The following ANKS1B variants were observed in gnomAD, a reference collection of about 807,000 sequenced individuals.
The protein encoded by ANKS1B is ankyrin repeat and sterile alpha motif domain-containing protein 1B.
Under a neutral mutation model 148.3 loss-of-function variants are expected in ANKS1B, and 36 were observed. The observed-to-expected ratio is 0.24, with a 90% CI of 0.19 to 0.32. The LOEUF is 0.32. Ranked by LOEUF, ANKS1B falls within the 10% of genes least tolerant of loss-of-function variation. The pLI, the probability that ANKS1B is intolerant of heterozygous loss-of-function variation, is 1.00. For synonymous variants in ANKS1B, 542 were observed against 560.8 expected, an observed-to-expected ratio of 0.97 and a Z score of 0.47; for missense variants, 1,157 against 1,542.6, an observed-to-expected ratio of 0.75 and a Z score of 4.19.
chr12:98,818,884 C>A (rs2099162961), intron 19 of ANKS1B, among the ~76,000 whole-genome samples: 2 of 152,092 alleles, frequency 1.3e-5, no homozygotes, highest in Admixed American at 1.3e-4. Flanking sequence ...TTATTGAGAC[C>A]CCACCATTTC....
At chr12:99,202,102 T>C (rs1480631729) in intron 14 of ANKS1B, among the ~76,000 whole-genome samples, 2 of 152,130 alleles carry the variant, frequency 1.3e-5, no homozygotes, top group East Asian at 1.9e-4. Context: ...CAAATAAAAA[T>C]AGGGTCAGCA....
intron 12 of ANKS1B, among the ~76,000 whole-genome samples, chr12:99,318,476 A>C (rs2084586669): frequency 6.6e-6 from 1 of 152,046 alleles, no homozygotes; most frequent in South Asian, 2.1e-4. Flanking sequence ...GTGTTCTTTG[A>C]GGGTAGTTTG....
intron 25 of ANKS1B, among the ~76,000 whole-genome samples, chr12:98,756,218 T>A (rs949501195): frequency 6.6e-6 from 1 of 152,096 alleles, no homozygotes; most frequent in African/African-American, 2.4e-5. Context: ...AATTGAATCA[T>A]GGGGGTGGGT....
intron 17 of ANKS1B, among the ~76,000 whole-genome samples, chr12:98,962,580 A>C (rs999113019): frequency 6.6e-6 from 1 of 152,096 alleles, no homozygotes; most frequent in Non-Finnish European, 1.5e-5. Context: ...TGTAATCTGC[A>C]ATACAGACCA....
At chr12:99,962,206 C>T (rs1240786722) in intron 1 of ANKS1B, among the ~76,000 whole-genome samples, 2 of 151,756 alleles carry the variant, frequency 1.3e-5, no homozygotes, top group East Asian at 3.9e-4. Flanking sequence ...CCCTAACCCT[C>T]CCACCCCCAT....
At chr12:99,287,235 C>T (rs913514741) in intron 12 of ANKS1B, among the ~76,000 whole-genome samples, 4 of 152,082 alleles carry the variant, frequency 2.6e-5, no homozygotes, top group Admixed American at 6.6e-5. Flanking sequence ...TGGAGGAAAG[C>T]GAGAGAAGAG....
At chr12:99,749,672 C>T (rs2060925190) in intron 8 of ANKS1B, among the ~76,000 whole-genome samples, 1 of 151,890 alleles carries the variant, frequency 6.6e-6, no homozygotes. Flanking sequence ...GGTTTTATCA[C>T]CGGACCTAAA....
intron 22 of ANKS1B, among the ~76,000 whole-genome samples, chr12:98,792,206 C>T (rs12305841): frequency 0.024 from 3,628 of 152,238 alleles, 132 homozygotes; most frequent in African/African-American, 0.082. Flanking sequence ...TTATTTCTGA[C>T]TTAAAAATAA....
intron 8 of ANKS1B, among the ~76,000 whole-genome samples, chr12:99,764,566 G>A (rs1023174380): frequency 2.0e-5 from 3 of 152,076 alleles, no homozygotes; most frequent in African/African-American, 4.8e-5. Flanking sequence ...GGGATGACAG[G>A]TGCACACCAC....
intron 12 of ANKS1B, among the ~76,000 whole-genome samples, chr12:99,250,239 G>C (rs931767911): frequency 2.6e-5 from 4 of 152,220 alleles, no homozygotes; most frequent in Admixed American, 1.3e-4. Flanking sequence ...CATTAGAGCA[G>C]GTGAATGAAT....
At chr12:99,729,168 A>G (rs1369800313) in intron 8 of ANKS1B, among the ~76,000 whole-genome samples, 1 of 152,236 alleles carries the variant, frequency 6.6e-6, no homozygotes, top group African/African-American at 2.4e-5. Context: ...CTCACATTTT[A>G]TAAGAAGTTT....
intron 17 of ANKS1B, among the ~76,000 whole-genome samples, chr12:98,993,910 C>T (rs2153312655): frequency 6.6e-6 from 1 of 152,138 alleles, no homozygotes; most frequent in East Asian, 1.9e-4. Context: ...GTATTCGTTT[C>T]AGTCCTATTC....
chr12:99,481,592 T>C (rs1025659567), intron 10 of ANKS1B, among the ~76,000 whole-genome samples: 19 of 151,840 alleles, frequency 1.3e-4, no homozygotes, highest in Non-Finnish European at 2.8e-4. Flanking sequence ...TAGATCTACA[T>C]TTAGCTCTTT....
intron 9 of ANKS1B, among the ~76,000 whole-genome samples, chr12:99,585,361 T>C (rs1053457894): frequency 2.6e-5 from 4 of 152,202 alleles, no homozygotes; most frequent in Admixed American, 1.3e-4. Flanking sequence ...CAGGCTCCCA[T>C]GGCCTTGGAC....
chr12:99,812,260 G>C lies in ANKS1B; in HGVS notation c.267C>G (p.Asp89Glu). Residue 89 changes from aspartate to glutamate, a missense_variant, in exon 3 of 27, where the codon GAC becomes GAG. Asp to Glu is a conservative substitution (Grantham distance 45). Around this residue, in one of 6 missense-constraint regions of ANKS1B, gnomAD observed 164 missense variants for 232.6 expected, o/e 0.71. Coordinates refer to ENST00000683438, the MANE Select transcript of ANKS1B (RefSeq NM_001352186.2). Reference sequence around the variant, plus strand: ...GGTGAATAGGAAAATACCCTTTGTTGTCTGCTACATTTGTTGATGCCTCAT... The same window carrying C: ...GGTGAATAGGAAAATACCCTTTGTTCTCTGCTACATTTGTTGATGCCTCAT... ...LQYEASTNVA[D>E]NKGYFPIHLA... 1 of 1,611,706 alleles carries C rather than the reference G, an allele frequency of 6.2e-7. No individual in the cohort carries two copies. Among genetic ancestry groups the C allele is most frequent in the Non-Finnish European group, 8.5e-7 (1 of 1,178,484 alleles).
chr12:99,458,190 T>G (rs1038476738), intron 10 of ANKS1B, among the ~76,000 whole-genome samples: 1 of 151,764 alleles, frequency 6.6e-6, no homozygotes. Flanking sequence ...GCATAAACAA[T>G]GAAATCAATA....
chr12:99,027,205 C>T (rs371244387), intron 17 of ANKS1B, among the ~76,000 whole-genome samples: 3 of 152,164 alleles, frequency 2.0e-5, no homozygotes, highest in Admixed American at 6.6e-5. Flanking sequence ...GTCCTTCAGA[C>T]GTTTAATATG....
intron 8 of ANKS1B, among the ~76,000 whole-genome samples, chr12:99,688,196 C>T (rs1268631560): frequency 6.6e-6 from 1 of 152,158 alleles, no homozygotes; most frequent in Admixed American, 6.5e-5. Flanking sequence ...TGGGTCCTTC[C>T]CCAGCCTCAC....
At position 99,906,119 on chromosome 12, in the gene ANKS1B, G is replaced by A. The variant is rs575945886; in HGVS notation, c.134+77985C>T. Reference sequence around the variant, plus strand: ...GTATGTTACAAATTATGGGTGTTCTGGCCACACTCAGAAATTCTTAGGAGT... The same window carrying A: ...GTATGTTACAAATTATGGGTGTTCTAGCCACACTCAGAAATTCTTAGGAGT... On this transcript the variant is annotated intron_variant, in intron 1 of 26. Transcript: ENST00000683438. 2.0e-5 allele frequency among the ~76,000 whole-genome samples: 3 copies of A among 152,246 alleles called. No individual in the cohort carries two copies. The East Asian group carries it at 5.8e-4, about 29-fold the overall frequency.
Sources: allele counts gnomAD v4.1 joint callset (sites outside exome capture counted in the v4.1 genomes callset), GRCh38; gene constraint gnomAD v4.1.1; regional missense constraint gnomAD v4.1.1; transcripts MANE v1.5; gene names NCBI Gene and HGNC (gene_info 2026-07-23, HGNC 2026-07-21).